The following KIF26B variants were observed in gnomAD, a reference collection of about 807,000 sequenced individuals.
The protein encoded by KIF26B is kinesin family member 26B.
KIF26B carries 63 observed loss-of-function variants against 151.2 expected under a neutral mutation model. That is an observed-to-expected ratio of 0.42 (90% CI 0.34 to 0.51). The LOEUF is 0.51. KIF26B is among the 20% of genes least tolerant of loss of function. The pLI is 0.07. For synonymous variants in KIF26B, 1,357 were observed against 1,262.1 expected (o/e 1.08, Z -1.59); for missense variants, 2,813 against 2,913.6 (o/e 0.97, Z 0.79).
At chr1:245,535,690 G>T (rs186470771) in intron 4 of KIF26B, among the ~76,000 whole-genome samples, 7 of 152,192 alleles carry the variant, frequency 4.6e-5, no homozygotes, top group Admixed American at 3.9e-4. Context: ...TCAAGCTAAA[G>T]ATGCTTTTAT....
At chr1:245,638,819 A>C (rs911202048) in intron 9 of KIF26B, among the ~76,000 whole-genome samples, 49 of 151,936 alleles carry the variant, frequency 3.2e-4, no homozygotes, top group African/African-American at 1.0e-3. Context: ...CTATCCTTGC[A>C]TCACTGGGAT....
chr1:245,206,181 C>T (rs991523588), intron 2 of KIF26B, among the ~76,000 whole-genome samples: 1 of 152,214 alleles, frequency 6.6e-6, no homozygotes, highest in Non-Finnish European at 1.5e-5. Context: ...GTAGTCCCTT[C>T]TTATTCTCCA....
intron 5 of KIF26B, among the ~76,000 whole-genome samples, chr1:245,568,238 A>G (rs1344054380): frequency 7.0e-6 from 1 of 143,122 alleles, no homozygotes; most frequent in Non-Finnish European, 1.5e-5. Flanking sequence ...GGCCTGAGCC[A>G]GGCACCGTGG....
intron 3 of KIF26B, among the ~76,000 whole-genome samples, chr1:245,406,948 TG>T (rs1259222632): frequency 2.6e-5 from 4 of 151,960 alleles, no homozygotes; most frequent in African/African-American, 9.7e-5. Flanking sequence ...CCACCACGCC[TG>T]GCTAATTTTT....
At chr1:245,305,798 T>C (rs1246315189) in intron 2 of KIF26B, among the ~76,000 whole-genome samples, 4 of 150,658 alleles carry the variant, frequency 2.7e-5, no homozygotes, top group East Asian at 3.9e-4. Context: ...ATTAGCCGGG[T>C]GTGGTGGCGG....
chr1:245,673,135 C>T (rs1451810232), intron 10 of KIF26B, among the ~76,000 whole-genome samples: 1 of 108,222 alleles, frequency 9.2e-6, no homozygotes, highest in African/African-American at 4.0e-5. Context: ...CCATCTTAGG[C>T]CCAGTCCCCG....
chr1:245,585,122 TTA>T (rs1475477426), intron 5 of KIF26B, among the ~76,000 whole-genome samples: 1 of 152,176 alleles, frequency 6.6e-6, no homozygotes, highest in African/African-American at 2.4e-5. Flanking sequence ...CTGGAAACTG[TTA>T]GAAATGCAAA....
chr1:245,577,623 C>T (rs2043133242), intron 5 of KIF26B, among the ~76,000 whole-genome samples: 1 of 146,720 alleles, frequency 6.8e-6, no homozygotes, highest in Non-Finnish European at 1.5e-5. Flanking sequence ...GCAGTGCATC[C>T]CCTACACGGA....
chr1:245,361,161 A>T (rs906546185), intron 2 of KIF26B, among the ~76,000 whole-genome samples: 2 of 152,170 alleles, frequency 1.3e-5, no homozygotes, highest in African/African-American at 2.4e-5. Context: ...CCTTTTTCAC[A>T]TGTTGCAGCA....
At chr1:245,437,574 A>G (rs1658967974) in intron 4 of KIF26B, among the ~76,000 whole-genome samples, 1 of 152,138 alleles carries the variant, frequency 6.6e-6, no homozygotes, top group Non-Finnish European at 1.5e-5. Flanking sequence ...TGATTTATGG[A>G]GCCTAGATCA....
intron 4 of KIF26B, among the ~76,000 whole-genome samples, chr1:245,523,177 C>T (rs191880267): frequency 3.9e-5 from 6 of 152,302 alleles, no homozygotes; most frequent in Non-Finnish European, 8.8e-5. Flanking sequence ...GCTTCGCATC[C>T]TGTACGCTTG....
Position 245,705,121 on chromosome 1 carries a change from T to C in KIF26B, c.*2515T>C, listed in dbSNP as rs1430796141. The C allele has an allele frequency of 4.6e-5, 7 of 152,204 alleles. No individual in the cohort carries two copies. Among genetic ancestry groups the C allele is most frequent in the Non-Finnish European group, 1.0e-4 (7 of 68,038 alleles). The allele number at this position is 152,204 out of a possible 1,614,324, so 9.4% of individuals were successfully genotyped here. On this transcript the variant is annotated 3_prime_UTR_variant, in exon 15 of 15. Coordinates refer to ENST00000407071, the MANE Select transcript of KIF26B (RefSeq NM_018012.4). ...TGCTTTTATCCATTTGTAGCAACTTTATGCTGTAACAAAAGGCGGAAGGAA... is the reference window on the plus strand; with the variant it reads ...TGCTTTTATCCATTTGTAGCAACTTCATGCTGTAACAAAAGGCGGAAGGAA...
intron 2 of KIF26B, among the ~76,000 whole-genome samples, chr1:245,179,911 G>A (rs779083194): frequency 7.2e-5 from 11 of 152,210 alleles, no homozygotes; most frequent in Non-Finnish European, 1.2e-4. Context: ...AGCACCTGGC[G>A]CATGGCCTGT....
At chr1:245,333,394 T>C (rs60959707) in intron 2 of KIF26B, among the ~76,000 whole-genome samples, 38,967 of 151,920 alleles carry the variant, frequency 0.26, 7,426 homozygotes, top group African/African-American at 0.51. Context: ...CCTAGAGCAG[T>C]GAAATTCATA....
At chr1:245,537,774 T>A (rs183609741) in intron 4 of KIF26B, among the ~76,000 whole-genome samples, 16 of 152,322 alleles carry the variant, frequency 1.1e-4, no homozygotes, top group African/African-American at 3.6e-4. Flanking sequence ...ACTTCAGTTT[T>A]AGGGTTGGCA....
At chr1:245,631,859 C>A (rs12024788) in intron 9 of KIF26B, among the ~76,000 whole-genome samples, 20,642 of 151,866 alleles carry the variant, frequency 0.14, 1,759 homozygotes, top group African/African-American at 0.22. Context: ...CCAATTTGTT[C>A]GTGTGTAGTT....
chr1:245,406,285 A>G (rs1233898303), intron 3 of KIF26B, among the ~76,000 whole-genome samples: 1 of 152,132 alleles, frequency 6.6e-6, no homozygotes, highest in East Asian at 1.9e-4. Context: ...CACTTAATGT[A>G]ACGTTTACCA....
intron 3 of KIF26B, among the ~76,000 whole-genome samples, chr1:245,374,476 A>G (rs1673225955): frequency 6.6e-6 from 1 of 152,042 alleles, no homozygotes. Context: ...CCAGCAGGTC[A>G]GGAGTATAGG....
intron 4 of KIF26B, among the ~76,000 whole-genome samples, chr1:245,525,966 A>T (rs1661229534): frequency 6.6e-6 from 1 of 152,214 alleles, no homozygotes; most frequent in African/African-American, 2.4e-5. Context: ...GATTCTAATA[A>T]CTAACAGTAT....
Sources: gnomAD v4.1 joint callset for allele counts (sites outside exome capture counted in the v4.1 genomes callset) on GRCh38, gnomAD v4.1.1 for gene constraint, MANE v1.5 for transcripts, NCBI Gene and HGNC (gene_info 2026-07-23, HGNC 2026-07-21) for gene names.